The following KIF15 variants were observed in gnomAD, a reference collection of about 807,000 sequenced individuals.
KIF15 encodes kinesin family member 15.
In KIF15, 140 loss-of-function variants were observed where a neutral mutation model predicts 190.6. That is an observed-to-expected ratio of 0.73 (90% CI 0.64 to 0.84). KIF15 has a LOEUF of 0.84. Ranked by LOEUF, KIF15 falls within the 40% of genes least tolerant of loss-of-function variation. The probability of loss-of-function intolerance (pLI) is 0.00; values close to 1 mark genes in which losing one functional copy is unlikely to be tolerated. For missense variants in KIF15, 1,372 were observed against 1,584.4 expected (o/e 0.87, Z 2.28); for synonymous variants, 528 against 551.3 (o/e 0.96, Z 0.59).
At chr3:44,773,851 T>C (rs1344405143) in intron 1 of KIF15, among the ~76,000 whole-genome samples, 1 of 152,174 alleles carries the variant, frequency 6.6e-6, no homozygotes, top group Non-Finnish European at 1.5e-5. Flanking sequence ...ATTAGGCACA[T>C]GGATACATTG....
intron 20 of KIF15, among the ~76,000 whole-genome samples, chr3:44,817,434 G>T (rs1708077614): frequency 6.6e-6 from 1 of 152,144 alleles, no homozygotes; most frequent in South Asian, 2.1e-4. Flanking sequence ...GTAAGGAAGG[G>T]ATCCAGTTTC....
intron 28 of KIF15, 33 bp downstream of exon 28, chr3:44,840,489 A>T (rs1228437830): frequency 2.1e-6 from 3 of 1,442,970 alleles, no homozygotes. Flanking sequence ...TTCAGGAGGA[A>T]GAAACAGTTT....
At chr3:44,835,626 C>T (rs1004371322) in intron 26 of KIF15, among the ~76,000 whole-genome samples, 4 of 152,002 alleles carry the variant, frequency 2.6e-5, no homozygotes, top group African/African-American at 9.7e-5. Context: ...CTTAGAAAAA[C>T]AATAATGCAG....
Position 44,843,244 on chromosome 3 carries a change from A to G in KIF15, c.3695+10A>G, listed in dbSNP as rs199672407. On this transcript the variant is annotated intron_variant, in intron 30 of 34. Transcript: ENST00000326047. ...GACAAAAGGAAAACAGGTGAGAAAG[A>G]ACCACGAGAACTCTATGGGCTAAAT... 1 of 1,557,416 alleles carries G rather than the reference A, an allele frequency of 6.4e-7. No homozygotes were observed. The highest frequency in any genetic ancestry group is 1.4e-5 in the African/African-American group (1 of 73,742).
At chr3:44,762,140 A>T (rs192006862) in intron 1 of KIF15, among the ~76,000 whole-genome samples, 3 of 152,230 alleles carry the variant, frequency 2.0e-5, no homozygotes, top group Non-Finnish European at 4.4e-5. Context: ...TGAGCAGTGG[A>T]CCTGACGTTC....
At chr3:44,857,021 T>C (rs753722216), downstream of KIF15, among the ~76,000 whole-genome samples, 86 of 152,318 alleles carry the variant, frequency 5.6e-4, 1 homozygote, top group African/African-American at 1.7e-3. Context: ...GTTTTGCTGG[T>C]GAGTGGCAAT....
intron 6 of KIF15, chr3:44,865,347 C>G: frequency 1.2e-6 from 1 of 819,386 alleles, no homozygotes; most frequent in Non-Finnish European, 1.9e-6. Flanking sequence ...AGGAGAGGTG[C>G]AGCTGCAGCA....
chr3:44,807,245 A>G (rs1361367277), intron 16 of KIF15, among the ~76,000 whole-genome samples: 1 of 150,614 alleles, frequency 6.6e-6, no homozygotes, highest in Non-Finnish European at 1.5e-5. Context: ...TTTTTTTGAG[A>G]CGGAGTTTTG....
chr3:44,773,683 C>T (rs900628652), intron 1 of KIF15, among the ~76,000 whole-genome samples: 4 of 152,094 alleles, frequency 2.6e-5, no homozygotes, highest in Non-Finnish European at 5.9e-5. Context: ...AGAAGAAGTC[C>T]GAGGACAAGA....
chr3:44,820,983 A>G (rs1575643836), intron 20 of KIF15, among the ~76,000 whole-genome samples: 1 of 135,690 alleles, frequency 7.4e-6, no homozygotes, highest in African/African-American at 2.9e-5. Flanking sequence ...CAGGGGGCTG[A>G]CCCCCCCACC....
At chr3:44,779,912 T>G (rs962850272) in intron 4 of KIF15, among the ~76,000 whole-genome samples, 1 of 151,834 alleles carries the variant, frequency 6.6e-6, no homozygotes, top group Non-Finnish European at 1.5e-5. Context: ...TTTTTTTCCC[T>G]CTTTTCTTCC....
At chr3:44,829,932 T>C (rs367906747) in intron 24 of KIF15, 39 bp from the exon 25 acceptor site, 24 of 1,239,284 alleles carry the variant, frequency 1.9e-5, no homozygotes, top group Admixed American at 5.5e-5. Context: ...TTCTCCTTAA[T>C]GTCATTGGGT....
At chr3:44,762,226 A>G (rs1405457667) in intron 1 of KIF15, among the ~76,000 whole-genome samples, 3 of 152,112 alleles carry the variant, frequency 2.0e-5, no homozygotes, top group Non-Finnish European at 4.4e-5. Flanking sequence ...ACCTCTCTAG[A>G]TATCCTTGTC....
intron 6 of KIF15, chr3:44,865,365 A>G (rs1699309967): frequency 2.7e-6 from 2 of 749,846 alleles, no homozygotes; most frequent in Non-Finnish European, 4.3e-6. Flanking sequence ...GCAGTGTTCT[A>G]CCGGAAGTGT....
intron 30 of KIF15, among the ~76,000 whole-genome samples, chr3:44,843,805 C>A (rs1360261289): frequency 6.6e-6 from 1 of 152,152 alleles, no homozygotes; most frequent in Admixed American, 6.5e-5. Flanking sequence ...AAAAGTCATA[C>A]GATTTTCAAC....
At position 44,786,447 on chromosome 3, in the gene KIF15, A is replaced by G. The variant is rs780921147; in HGVS notation, c.512A>G (p.Asn171Ser). 12 of 1,612,556 alleles carry G rather than the reference A, an allele frequency of 7.4e-6. No individual in the cohort carries two copies. In the East Asian group the frequency reaches 2.5e-4, roughly 33 times the overall value. Residue 171 changes from asparagine (N) to serine (S), a missense_variant, in exon 7 of 35, where the codon AAC (asparagine) becomes AGC (serine). Transcript: ENST00000326047. ...AAGTGTTCCTTTATTGAAATCTACA[A>G]CGAGCAGATATATGATCTACTGGAC... is the stretch of plus-strand genomic sequence containing the variant. ...LCKCSFIEIY[N>S]EQIYDLLDSA...
intron 1 of KIF15, among the ~76,000 whole-genome samples, chr3:44,764,218 A>G (rs899250032): frequency 2.6e-5 from 4 of 152,246 alleles, no homozygotes; most frequent in African/African-American, 9.7e-5. Context: ...ATCAAGAAAT[A>G]GAACTGTTCC....
intron 6 of KIF15, chr3:44,865,098 T>C: frequency 6.2e-7 from 1 of 1,612,908 alleles, no homozygotes; most frequent in Non-Finnish European, 8.5e-7. Context: ...TGGGGAGGAG[T>C]GTTCCTTATT....
At chr3:44,784,423 C>T (rs1207396257) in intron 5 of KIF15, among the ~76,000 whole-genome samples, 3 of 152,144 alleles carry the variant, frequency 2.0e-5, no homozygotes, top group African/African-American at 7.2e-5. Flanking sequence ...CTCAGCTTCC[C>T]AAAGTGCTGG....
Sources: allele counts gnomAD v4.1 joint callset (sites outside exome capture counted in the v4.1 genomes callset), GRCh38; gene constraint gnomAD v4.1.1; transcripts MANE v1.5; gene names NCBI Gene and HGNC (gene_info 2026-07-23, HGNC 2026-07-21).